Variants in PCSK7 observed in about 807,000 individuals in gnomAD.
The protein encoded by PCSK7 is proprotein convertase subtilisin/kexin type 7.
In PCSK7, 38 loss-of-function variants were observed where a neutral mutation model predicts 73.3. The observed-to-expected ratio is 0.52, with a 90% confidence interval of 0.40 to 0.68. The LOEUF (loss-of-function observed/expected upper bound fraction) is 0.68. Ranked by LOEUF, PCSK7 falls within the 30% of genes least tolerant of loss-of-function variation. The pLI is 0.00. For missense variants in PCSK7, 692 were observed against 991.5 expected (o/e 0.70, Z 4.06); for synonymous variants, 296 against 383.8 (o/e 0.77, Z 2.68).
Position 117,219,593 on chromosome 11 carries a change from G to A in PCSK7, c.1321C>T (p.Arg441Trp), listed in dbSNP as rs144474243. The A allele has an allele frequency of 4.7e-4, 763 of 1,612,306 alleles. 3 individuals carry two copies. Among genetic ancestry groups the A allele is most frequent in the Non-Finnish European group, 1.8e-4 (213 of 1,179,456 alleles). ...TTGTCTACCTGCTGGTATCTCACCC[G>A]GGTGGCTGTGAAGACAATGATGTGC... ...VQHIIVFTAT[R>W]YEDRRAEWVT... Residue 441 changes from arginine to tryptophan, a missense_variant and splice_region_variant, in exon 10 of 17, where the codon CGG becomes TGG. By Grantham distance (101) the Arg-to-Trp change is moderately radical. This residue lies in a region of PCSK7 where 574 missense variants were observed against 689.8 expected (regional missense o/e 0.83). Coordinates refer to ENST00000320934, the MANE Select transcript of PCSK7 (RefSeq NM_004716.4).
intron 9 of PCSK7, 169 bp from the exon 10 acceptor site, chr11:117,219,927 C>G (rs910493490): frequency 4.2e-6 from 2 of 474,246 alleles, no homozygotes; most frequent in East Asian, 7.1e-5. Flanking sequence ...GAGTGAGAAC[C>G]CATCTTTAAA....
At position 117,209,596 on chromosome 11, in the gene PCSK7, CAT is replaced by C. The variant is rs2031621210; in HGVS notation, c.1535-545_1535-544del. ...GGCATGAACAAAGACGAAATGCACA[CAT>C]CTCACTGAAGATGATGCACAGTTAA... On this transcript the variant is annotated intron_variant, in intron 12 of 16. Transcript: ENST00000320934. The C allele has an allele frequency of 1.9e-5, 3 of 155,824 alleles. No individual in the cohort carries two copies. In the South Asian group the frequency reaches 6.0e-4, roughly 31 times the overall value. The allele number at this position is 155,824 out of a possible 1,614,324, so 9.7% of individuals were successfully genotyped here.
In PCSK7 at chr11:117,224,141, C is replaced by T; in HGVS notation, c.991G>A (p.Gly331Ser). ...TAGTTGCAGTTGTCGTTGTGTTGGC[C>T]TCCGTTGCCACTGGCTACCACAAAG... Reference protein sequence around the residue: ...SIFVVASGNGGQHNDNCNYDG... With the variant: ...SIFVVASGNGSQHNDNCNYDG... The change falls in exon 8 of 17, where the codon GGC becomes AGC. Residue 331 changes from glycine to serine, a missense_variant. By Grantham distance (56) the Gly-to-Ser change is moderately conservative (BLOSUM62 0). Transcript: ENST00000320934. The T allele has an allele frequency of 6.2e-7, 1 of 1,614,140 alleles. No homozygotes were observed. The highest frequency in any genetic ancestry group is 8.5e-7 in the Non-Finnish European group (1 of 1,180,006).
At position 117,205,733 on chromosome 11, in the gene PCSK7, G is replaced by A. The variant is rs907705733; in HGVS notation, c.*264C>T. 8.0e-6 allele frequency: 3 copies of A among 376,726 alleles called. No individual in the cohort carries two copies. The highest frequency in any genetic ancestry group is 9.5e-6 in the Non-Finnish European group (2 of 210,754). 23.3% of individuals were successfully genotyped at this position (376,726 alleles called of 1,614,324 possible). On this transcript the variant is annotated 3_prime_UTR_variant, in exon 17 of 17. Transcript: ENST00000320934. ...TTGGCCCAAGAGAGATGAGGATGGA[G>A]GCCAAACCAAAGGGGGGCGCCAATC... is the stretch of plus-strand genomic sequence containing the variant.
At chr11:117,220,341 C>T (rs1342278558) in intron 9 of PCSK7, 1 of 152,512 alleles carries the variant, frequency 6.6e-6, no homozygotes, top group African/African-American at 2.4e-5. Context: ...CTCCTGGGTT[C>T]CAGCGATCCT....
At chr11:117,216,303 C>A in intron 12 of PCSK7, 1 of 152,170 alleles carries the variant, frequency 6.6e-6, no homozygotes. Flanking sequence ...TGTTCAGCTC[C>A]CTCTGCTTTA....
At chr11:117,213,277 T>G (rs553199841) in intron 12 of PCSK7, 1 of 152,310 alleles carries the variant, frequency 6.6e-6, no homozygotes, top group East Asian at 1.9e-4. Context: ...GATTGAGAGA[T>G]ATTTCACAGA....
At position 117,208,943 on chromosome 11, in the gene PCSK7, G is replaced by A; in HGVS notation, c.1645C>T (p.Pro549Ser). 2 of 1,612,982 alleles carry A rather than the reference G, an allele frequency of 1.2e-6. No individual in the cohort carries two copies. Among genetic ancestry groups the A allele is most frequent in the Non-Finnish European group, 1.7e-6 (2 of 1,179,950 alleles). ...CCGATGAGGGACATCATGCCACTGG[G>A]GCAGAACAGCTTCAGCTCCAAGCTG... is the stretch of plus-strand genomic sequence containing the variant. ...RGSLELKLFC[P>S]SGMMSLIGAP... Residue 549 changes from proline to serine, a missense_variant, in exon 13 of 17, where the codon CCC (proline) becomes TCC (serine). This residue lies in a region of PCSK7 where 20 missense variants were observed against 32.1 expected (regional missense o/e 0.62). Transcript: ENST00000320934.
intron 12 of PCSK7, chr11:117,214,844 T>C (rs543100824): frequency 6.6e-6 from 1 of 152,432 alleles, no homozygotes; most frequent in Non-Finnish European, 1.5e-5. Context: ...ACTCACTGCG[T>C]AGGCAGAGGC....
intron 3 of PCSK7, among the ~76,000 whole-genome samples, chr11:117,228,601 A>G (rs1391403233): frequency 6.7e-6 from 1 of 149,368 alleles, no homozygotes; most frequent in Non-Finnish European, 1.5e-5. Context: ...GAAGGGTTGG[A>G]TGATACACTT....
At chr11:117,223,597 T>A in intron 8 of PCSK7, 1 of 463,930 alleles carries the variant, frequency 2.2e-6, no homozygotes, top group Non-Finnish European at 3.9e-6. Flanking sequence ...CTTACTGTTT[T>A]CAACATTCAT....
chr11:117,224,770 A>G lies in PCSK7; in HGVS notation c.861-15T>C. 6.2e-7 allele frequency: 1 copy of G among 1,606,680 alleles called. No individual in the cohort carries two copies. The highest frequency in any genetic ancestry group is 1.7e-5 in the Admixed American group (1 of 60,006). On this transcript the variant is annotated splice_polypyrimidine_tract_variant and intron_variant, in intron 6 of 16. Coordinates refer to ENST00000320934, the MANE Select transcript of PCSK7 (RefSeq NM_004716.4). ...CTGGTCCCCAGCTGTTGAGAAATAAATACCTAGAGGGGACAGCCAGAGCCA... is the reference window on the plus strand; with the variant it reads ...CTGGTCCCCAGCTGTTGAGAAATAAGTACCTAGAGGGGACAGCCAGAGCCA...
At chr11:117,209,351 C>T in intron 12 of PCSK7, 1 of 323,184 alleles carries the variant, frequency 3.1e-6, no homozygotes, top group Non-Finnish European at 5.5e-6. Flanking sequence ...TCCTCCATTT[C>T]AGGCACTGTA....
chr11:117,223,262 A>G lies in PCSK7; in HGVS notation c.1101T>C (p.Cys367=). ...EGRMPFYAEE[C]ASMLAVTFSG... Reference sequence around the variant, plus strand: ...TGAAGGTGACTGCCAGCATGGAGGCACATTCTTCTGCATAGAAAGGCATGC... The same window carrying G: ...TGAAGGTGACTGCCAGCATGGAGGCGCATTCTTCTGCATAGAAAGGCATGC... Residue 367 remains cysteine (C), a synonymous_variant, in exon 9 of 17, where the codon TGT becomes TGC. Coordinates refer to ENST00000320934, the MANE Select transcript of PCSK7 (RefSeq NM_004716.4). 1 of 1,613,904 alleles carries G rather than the reference A, an allele frequency of 6.2e-7. No homozygotes were observed. The highest frequency in any genetic ancestry group is 8.5e-7 in the Non-Finnish European group (1 of 1,179,762).
At chr11:117,215,464 G>C (rs547249086) in intron 12 of PCSK7, 13 of 139,086 alleles carry the variant, frequency 9.3e-5, no homozygotes, top group African/African-American at 3.5e-4. Flanking sequence ...GCAGTGGCAC[G>C]ATCTTGGCTC....
intron 12 of PCSK7, chr11:117,212,094 T>A (rs1412108056): frequency 1.3e-5 from 2 of 152,200 alleles, no homozygotes; most frequent in Non-Finnish European, 2.9e-5. Context: ...TAAAATAGTA[T>A]GCATGAATTT....
chr11:117,228,455 C>A (rs2032514708), intron 3 of PCSK7, 105 bp from the exon 4 acceptor site: 1 of 976,784 alleles, frequency 1.0e-6, no homozygotes, highest in Non-Finnish European at 1.6e-6. Context: ...CACCAAAGAG[C>A]CAGACAGATT....
rs1458751793 is a variant in PCSK7 at position 117,224,279 on chromosome 11, A to C, written c.916-63T>G. ...CCACAGAAAGACCTCCGCCTACCAC[A>C]TCAGTCACCCTCTCCACCCCTTCTA... On this transcript the variant is annotated intron_variant, in intron 7 of 16. Coordinates refer to ENST00000320934, the MANE Select transcript of PCSK7 (RefSeq NM_004716.4). 3 of 1,545,676 alleles carry C rather than the reference A, an allele frequency of 1.9e-6. No individual in the cohort carries two copies. The South Asian group carries it at 3.4e-5, about 17-fold the overall frequency.
chr11:117,231,924 A>T (rs993367551), intron 1 of PCSK7, 103 bp downstream of exon 1: 1 of 152,912 alleles, frequency 6.5e-6, no homozygotes, highest in Non-Finnish European at 1.5e-5. Flanking sequence ...CCAGGACCTC[A>T]GGCACCCTCT....
Sources: gnomAD v4.1 joint callset for allele counts (sites outside exome capture counted in the v4.1 genomes callset) on GRCh38, gnomAD v4.1.1 for gene constraint, gnomAD v4.1.1 regional missense constraint, MANE v1.5 for transcripts, NCBI Gene and HGNC (gene_info 2026-07-23, HGNC 2026-07-21) for gene names.